The following SEM1 variants were observed in gnomAD, a reference collection of about 807,000 sequenced individuals.
The protein encoded by SEM1 is SEM1 26S proteasome subunit.
Under a neutral mutation model 12.7 loss-of-function variants are expected in SEM1, and 3 were observed. The observed-to-expected ratio is 0.24, with a 90% CI of 0.11 to 0.61. The LOEUF is 0.61. SEM1 is among the 20% of genes least tolerant of loss of function. SEM1 has a pLI of 0.88. For synonymous variants in SEM1, 30 were observed against 27.8 expected, an observed-to-expected ratio of 1.08 and a Z score of -0.25; for missense variants, 59 against 81.3, an observed-to-expected ratio of 0.73 and a Z score of 1.06.
At chr7:96,486,951 T>C (rs1259638265) in intron 1 of SEM1, among the ~76,000 whole-genome samples, 1 of 152,192 alleles carries the variant, frequency 6.6e-6, no homozygotes, top group Non-Finnish European at 1.5e-5. Flanking sequence ...GCCTGCCTTA[T>C]GTTCTTAGGA....
intron 2 of SEM1, among the ~76,000 whole-genome samples, chr7:96,648,037 T>C (rs188689340): frequency 1.7e-4 from 26 of 152,314 alleles, no homozygotes; most frequent in African/African-American, 5.8e-4. Context: ...AAGTGTAATG[T>C]TGGAATAATA....
At chr7:96,678,754 C>A (rs745665361) in intron 2 of SEM1, among the ~76,000 whole-genome samples, 9 of 152,016 alleles carry the variant, frequency 5.9e-5, no homozygotes, top group Non-Finnish European at 1.0e-4. Context: ...AATGAGATAT[C>A]AAGTTTAATT....
chr7:96,641,261 G>T (rs1808583622), intron 2 of SEM1, among the ~76,000 whole-genome samples: 1 of 151,680 alleles, frequency 6.6e-6, no homozygotes, highest in African/African-American at 2.4e-5. Flanking sequence ...GAGAAGACTA[G>T]CTAGAGATTT....
At chr7:96,583,608 AG>A (rs1806497513) in intron 2 of SEM1, among the ~76,000 whole-genome samples, 1 of 149,994 alleles carries the variant, frequency 6.7e-6, no homozygotes, top group Admixed American at 6.9e-5. Flanking sequence ...TGGGAGTTTA[AG>A]TCTCTTTGTA....
At chr7:96,627,339 A>G (rs1367614603) in intron 2 of SEM1, among the ~76,000 whole-genome samples, 1 of 151,358 alleles carries the variant, frequency 6.6e-6, no homozygotes, top group African/African-American at 2.4e-5. Context: ...AAATTCTTTA[A>G]TTTAATTTAA....
At chr7:96,482,869 T>C (rs1381037739) in exon 4 of SEM1, 1 of 152,202 alleles carries the variant, frequency 6.6e-6, no homozygotes, top group Non-Finnish European at 1.5e-5. Context: ...TCTAGAGGCT[T>C]GCTTACAAAC....
intron 2 of SEM1, among the ~76,000 whole-genome samples, chr7:96,567,909 TACACACACATAC>T (rs150441646): frequency 0.038 from 5,711 of 151,190 alleles, 343 homozygotes; most frequent in African/African-American, 0.13. Context: ...AAATGACTGA[TACACACACATAC>T]ACACACACAT....
intron 2 of SEM1, among the ~76,000 whole-genome samples, chr7:96,630,480 T>C (rs917159467): frequency 3.3e-5 from 5 of 152,078 alleles, no homozygotes; most frequent in African/African-American, 1.2e-4. Context: ...AGCTCTTCAG[T>C]CAGCTTGTGG....
intron 2 of SEM1, among the ~76,000 whole-genome samples, chr7:96,531,456 T>C (rs1425555802): frequency 1.3e-5 from 2 of 149,038 alleles, no homozygotes; most frequent in Admixed American, 1.3e-4. Flanking sequence ...AAAGAAAAAC[T>C]AGTCAGGCAG....
At chr7:96,627,352 C>T (rs1808104092) in intron 2 of SEM1, among the ~76,000 whole-genome samples, 1 of 151,326 alleles carries the variant, frequency 6.6e-6, no homozygotes, top group Admixed American at 6.6e-5. Context: ...TAATTTAATT[C>T]ATTAGGTTGT....
At chr7:96,509,313 G>A (rs771474823) in intron 2 of SEM1, among the ~76,000 whole-genome samples, 20 of 151,726 alleles carry the variant, frequency 1.3e-4, no homozygotes, top group Middle Eastern at 3.2e-3. Flanking sequence ...ATCAAGAGAC[G>A]CAATCTTTAT....
At chr7:96,570,858 C>A (rs1806000108) in intron 2 of SEM1, among the ~76,000 whole-genome samples, 1 of 152,116 alleles carries the variant, frequency 6.6e-6, no homozygotes, top group Admixed American at 6.5e-5. Flanking sequence ...TCCTCTCCGG[C>A]ATCTGTTGTT....
downstream of SEM1, among the ~76,000 whole-genome samples, chr7:96,685,282 C>T (rs944110121): frequency 5.9e-5 from 9 of 151,938 alleles, no homozygotes; most frequent in African/African-American, 2.2e-4. Context: ...AAAATGCTGA[C>T]CATTATTACA....
chr7:96,490,786 G>A (rs1802976113), intron 1 of SEM1, among the ~76,000 whole-genome samples: 1 of 151,926 alleles, frequency 6.6e-6, no homozygotes, highest in South Asian at 2.1e-4. Flanking sequence ...TGGATGAGGT[G>A]GCATCTCAGG....
chr7:96,631,495 G>A (rs578184912), intron 2 of SEM1, among the ~76,000 whole-genome samples: 218 of 149,474 alleles, frequency 1.5e-3, no homozygotes, highest in African/African-American at 5.1e-3. Context: ...CACAGGATGA[G>A]GGAGGGGTGG....
At chr7:96,661,961 C>T (rs1584844576) in intron 2 of SEM1, among the ~76,000 whole-genome samples, 1 of 142,678 alleles carries the variant, frequency 7.0e-6, no homozygotes, top group East Asian at 2.0e-4. Context: ...GCACTCCAGC[C>T]TAGGCAACAA....
intron 2 of SEM1, among the ~76,000 whole-genome samples, chr7:96,507,940 G>C (rs1225962680): frequency 6.6e-6 from 1 of 151,946 alleles, no homozygotes; most frequent in Middle Eastern, 3.2e-3. Context: ...CAGATCCCTG[G>C]GACTCTTCCA....
At chr7:96,519,161 G>T (rs1299610193) in intron 2 of SEM1, among the ~76,000 whole-genome samples, 3 of 152,142 alleles carry the variant, frequency 2.0e-5, no homozygotes, top group Non-Finnish European at 4.4e-5. Flanking sequence ...GTAATTGGGT[G>T]TGAAGAAACT....
At chr7:96,523,914 G>A (rs776701055) in intron 2 of SEM1, among the ~76,000 whole-genome samples, 16 of 151,844 alleles carry the variant, frequency 1.1e-4, no homozygotes, top group Non-Finnish European at 1.8e-4. Context: ...TCTCACTTAC[G>A]TTTAACAAAC....
Sources: gnomAD v4.1 joint callset for allele counts (sites outside exome capture counted in the v4.1 genomes callset) on GRCh38, gnomAD v4.1.1 for gene constraint, MANE v1.5 for transcripts, NCBI Gene and HGNC (gene_info 2026-07-23, HGNC 2026-07-21) for gene names.